PDZRN3: variants seen among roughly 807,000 people sequenced by gnomAD.
PDZRN3 encodes the protein PDZ domain containing ring finger 3, also known as E3 ubiquitin-protein ligase PDZRN3.
In PDZRN3, 38 loss-of-function variants were observed where a neutral mutation model predicts 85.7. The observed-to-expected ratio is 0.44, with a 90% CI of 0.34 to 0.58. The LOEUF is 0.58. Ranked by LOEUF, PDZRN3 falls within the 20% of genes least tolerant of loss-of-function variation. The pLI is 0.01. For missense variants in PDZRN3, 1,629 were observed against 1,506.4 expected, an observed-to-expected ratio of 1.08 and a Z score of -1.35; for synonymous variants, 759 against 638.0, an observed-to-expected ratio of 1.19 and a Z score of -2.86.
At position 73,522,245 on chromosome 3, in the gene PDZRN3, G is replaced by C. The variant is rs530604285; in HGVS notation, c.918+80109C>G. On this transcript the variant is annotated intron_variant, in intron 3 of 9. Coordinates refer to ENST00000263666, the MANE Select transcript of PDZRN3 (RefSeq NM_015009.3). ...GAAGTATGCTGGCCCCTGATCGACAGTAACACTAAATGTGGAGATACACAT... is the reference window on the plus strand; with the variant it reads ...GAAGTATGCTGGCCCCTGATCGACACTAACACTAAATGTGGAGATACACAT... Among the ~76,000 whole-genome samples the C allele has an allele frequency of 9.7e-4, 147 of 152,270 alleles. 1 individual carries two copies. The highest frequency in any genetic ancestry group is 1.9e-3 in the Non-Finnish European group (129 of 68,020).
intron 5 of PDZRN3, among the ~76,000 whole-genome samples, chr3:73,397,449 T>C (rs1701662396): frequency 6.6e-6 from 1 of 152,184 alleles, no homozygotes; most frequent in Non-Finnish European, 1.5e-5. Context: ...CTGCGACTGT[T>C]CTAAGAAATC....
intron 3 of PDZRN3, among the ~76,000 whole-genome samples, chr3:73,489,505 G>A (rs1457860991): frequency 6.6e-6 from 1 of 151,610 alleles, no homozygotes; most frequent in African/African-American, 2.4e-5. Flanking sequence ...GGACTTCAGA[G>A]GAGTTGCCCT....
rs143133345 is a variant in PDZRN3, at chr3:73,618,055, C to T, written c.723+6048G>A. ...TGTTTTGTTTTGTACTCCATGTGCT[C>T]TACACTGGACCTATGTAAATGGGAA... On this transcript the variant is annotated intron_variant, in intron 1 of 9. Coordinates refer to ENST00000263666, the MANE Select transcript of PDZRN3 (RefSeq NM_015009.3). Among the ~76,000 whole-genome samples the T allele has an allele frequency of 4.5e-3, 682 of 152,276 alleles. 3 individuals carry two copies. The highest frequency in any genetic ancestry group is 0.031 in the Middle Eastern group (9 of 294).
At chr3:73,539,945 TG>T (rs745731137) in intron 3 of PDZRN3, among the ~76,000 whole-genome samples, 83 of 151,888 alleles carry the variant, frequency 5.5e-4, no homozygotes, top group Non-Finnish European at 1.2e-3. Flanking sequence ...ATAAAAGGAA[TG>T]GAAAAAATAT....
At chr3:73,590,684 C>T (rs959111188) in intron 3 of PDZRN3, among the ~76,000 whole-genome samples, 2 of 152,176 alleles carry the variant, frequency 1.3e-5, no homozygotes, top group Admixed American at 1.3e-4. Context: ...AATATTTTCT[C>T]TTGCTTGATT....
At chr3:73,432,165 T>G (rs1429914680) in intron 3 of PDZRN3, among the ~76,000 whole-genome samples, 1 of 152,230 alleles carries the variant, frequency 6.6e-6, no homozygotes, top group Non-Finnish European at 1.5e-5. Context: ...TTCCACTTGT[T>G]TCCTGCCTGC....
intron 3 of PDZRN3, among the ~76,000 whole-genome samples, chr3:73,475,112 A>G (rs543807783): frequency 1.3e-5 from 2 of 152,280 alleles, no homozygotes; most frequent in East Asian, 3.9e-4. Flanking sequence ...AGCTCTACAC[A>G]GAAGAAAGGG....
intron 3 of PDZRN3, among the ~76,000 whole-genome samples, chr3:73,480,614 G>C (rs1392955629): frequency 2.0e-5 from 3 of 152,144 alleles, no homozygotes; most frequent in Admixed American, 6.5e-5. Context: ...ATCACCCAGA[G>C]TGCACGCTTG....
At chr3:73,443,204 C>T (rs1421805902) in intron 3 of PDZRN3, among the ~76,000 whole-genome samples, 2 of 152,174 alleles carry the variant, frequency 1.3e-5, no homozygotes, top group African/African-American at 4.8e-5. Flanking sequence ...TAGTGGTAAA[C>T]AAAACACACA....
intron 1 of PDZRN3, chr3:73,623,613 T>C (rs1392222068): frequency 6.6e-6 from 1 of 152,550 alleles, no homozygotes; most frequent in Admixed American, 6.5e-5. Context: ...CTACACTGGC[T>C]GTGGGTTCCC....
At chr3:73,521,183 C>T (rs544252745) in intron 3 of PDZRN3, among the ~76,000 whole-genome samples, 2 of 152,270 alleles carry the variant, frequency 1.3e-5, no homozygotes, top group South Asian at 2.1e-4. Flanking sequence ...CCGGTGGACT[C>T]GTTAAACGGG....
Position 73,384,579 on chromosome 3 carries a change from C to A in PDZRN3, c.1987G>T (p.Gly663Cys), listed in dbSNP as rs140300143. 1.2e-6 allele frequency: 2 copies of A among 1,613,670 alleles called. No homozygotes were observed. The highest frequency in any genetic ancestry group is 1.7e-6 in the Non-Finnish European group (2 of 1,180,020). The stretch of plus-strand genomic sequence containing the variant: ...AGGGGGCCGCTAGGGTAGTACAGGC[C>A]GTAAGGGGTGGCGCTCTTCACCTGG... ...KCQVKSATPY[G>C]LYYPSGPLDA... Residue 663 changes from glycine to cysteine, a missense_variant, in exon 10 of 10, where the codon GGC becomes TGC. Coordinates refer to ENST00000263666, the MANE Select transcript of PDZRN3 (RefSeq NM_015009.3).
chr3:73,579,487 C>T (rs577796003), intron 3 of PDZRN3, among the ~76,000 whole-genome samples: 2 of 152,302 alleles, frequency 1.3e-5, no homozygotes, highest in African/African-American at 4.8e-5. Flanking sequence ...AAGGCCCTTA[C>T]AAATACTTTA....
intron 3 of PDZRN3, chr3:73,407,924 G>C: frequency 1.8e-6 from 1 of 570,642 alleles, no homozygotes; most frequent in Non-Finnish European, 3.1e-6. Flanking sequence ...CCAGGTTACA[G>C]AGGGAAGAGC....
chr3:73,563,366 T>A (rs191594181), intron 3 of PDZRN3, among the ~76,000 whole-genome samples: 1 of 151,836 alleles, frequency 6.6e-6, no homozygotes, highest in Non-Finnish European at 1.5e-5. Context: ...AAAAAAAAGA[T>A]GATGAACTGG....
Position 73,413,128 on chromosome 3 carries a change from T to A in PDZRN3, c.919-8733A>T, listed in dbSNP as rs1284085106. Among the ~76,000 whole-genome samples, 3 of 152,200 alleles carry A rather than the reference T, an allele frequency of 2.0e-5. No homozygotes were observed. The East Asian group carries it at 5.8e-4, about 29-fold the overall frequency. Reference sequence around the variant, plus strand: ...CAGCTGTTGTTATAACTGTCACACTTAGACAAATTTTCTAGCCTCTTCCTG... The same window carrying A: ...CAGCTGTTGTTATAACTGTCACACTAAGACAAATTTTCTAGCCTCTTCCTG... On this transcript the variant is annotated intron_variant, in intron 3 of 9. Coordinates refer to ENST00000263666, the MANE Select transcript of PDZRN3 (RefSeq NM_015009.3).
In PDZRN3 at chr3:73,385,720, C is replaced by T. The variant is rs769168925; in HGVS notation, c.1584G>A (p.Leu528=). The T allele has an allele frequency of 1.6e-5, 26 of 1,613,890 alleles. No individual in the cohort carries two copies. The highest frequency in any genetic ancestry group is 2.0e-5 in the Non-Finnish European group (24 of 1,179,812). The stretch of plus-strand genomic sequence containing the variant: ...GCATGGCCTGGTGGTGCTGCTCCTC[C>T]AGCATGTCCATGTGCAGGTCATCCA... ...DFLDDLHMDM[L]EEQHHQAMQF... is the part of the protein sequence containing the mutation. The change falls in exon 9 of 10, where the codon CTG becomes CTA. Residue 528 remains leucine (L), a synonymous_variant. Coordinates refer to ENST00000263666, the MANE Select transcript of PDZRN3 (RefSeq NM_015009.3).
chr3:73,384,687 A>C lies in PDZRN3; in HGVS notation c.1879T>G (p.Ser627Ala). ...TAGTCGGCGTCCGTGCAGTCGGCCG[A>C]AATGAAAGACTCGTTGCTGAAGGGC... is the stretch of plus-strand genomic sequence containing the variant. ...DLPFSNESFISADCTDADYLG... is the reference protein window; with the variant it reads ...DLPFSNESFIAADCTDADYLG... The change falls in exon 10 of 10, where the codon TCG becomes GCG. Residue 627 changes from serine to alanine, a missense_variant. Physicochemically the swap from Ser to Ala is moderately conservative, Grantham distance 99 (BLOSUM62 1). Transcript: ENST00000263666. 6.2e-7 allele frequency: 1 copy of C among 1,613,962 alleles called. No individual in the cohort carries two copies. The highest frequency in any genetic ancestry group is 2.2e-5 in the East Asian group (1 of 44,844).
chr3:73,565,621 C>T (rs1050094415), intron 3 of PDZRN3, among the ~76,000 whole-genome samples: 2 of 152,070 alleles, frequency 1.3e-5, no homozygotes, highest in South Asian at 4.1e-4. Flanking sequence ...CTACCGCTTT[C>T]CAAGCCGACT....
Sources: gnomAD v4.1 joint callset for allele counts (sites outside exome capture counted in the v4.1 genomes callset) on GRCh38, gnomAD v4.1.1 for gene constraint, MANE v1.5 for transcripts, NCBI Gene and HGNC (gene_info 2026-07-23, HGNC 2026-07-21) for gene names.